NELL1: variants seen among roughly 807,000 people sequenced by gnomAD.
NELL1 encodes neural EGFL like 1.
In NELL1, 76 loss-of-function variants were observed where a neutral mutation model predicts 107.4. That is an observed-to-expected ratio of 0.71 (90% confidence interval 0.59 to 0.86). The LOEUF is 0.86. Among genes scored for constraint, NELL1 ranks in the 40% least tolerant of loss-of-function variants. NELL1 has a pLI of 0.00. For synonymous variants in NELL1, 353 were observed against 341.2 expected, an observed-to-expected ratio of 1.03 and a Z score of -0.38; for missense variants, 1,024 against 1,005.5, an observed-to-expected ratio of 1.02 and a Z score of -0.25.
chr11:21,451,185 T>TAA lies in NELL1; in HGVS notation c.1645+80253_1645+80254dup, dbSNP rs35257979. On this transcript the variant is annotated intron_variant, in intron 15 of 19. Coordinates refer to ENST00000357134, the MANE Select transcript of NELL1 (RefSeq NM_006157.5). ...CTGGGCGACAGAGATAGACTCCGTC[T>TAA]AAAAAAAAAAAAAAAAAGAAAAAAA... is the stretch of plus-strand genomic sequence containing the variant. Among the ~76,000 whole-genome samples the TAA allele has an allele frequency of 2.7e-3, 277 of 101,262 alleles. 6 individuals carry two copies. The highest frequency in any genetic ancestry group is 4.0e-3 in the East Asian group (14 of 3,484). The allele number at this position is 101,262 out of a possible 152,430, so 66.4% of individuals were successfully genotyped here.
chr11:21,013,342 G>A (rs1378434682), intron 12 of NELL1, among the ~76,000 whole-genome samples: 1 of 152,104 alleles, frequency 6.6e-6, no homozygotes, highest in East Asian at 1.9e-4. Flanking sequence ...TGGCCACAGG[G>A]TATAGGAAAT....
intron 12 of NELL1, among the ~76,000 whole-genome samples, chr11:21,072,697 G>A (rs1392687400): frequency 2.0e-5 from 3 of 152,164 alleles, no homozygotes; most frequent in African/African-American, 7.2e-5. Context: ...AGAGAAATCA[G>A]TAAAGAGGAA....
At chr11:21,168,458 C>T (rs1425832005) in intron 13 of NELL1, among the ~76,000 whole-genome samples, 1 of 151,820 alleles carries the variant, frequency 6.6e-6, no homozygotes, top group Non-Finnish European at 1.5e-5. Context: ...TCCTCCCTTT[C>T]TGTGTCACCT....
At chr11:20,826,664 C>G (rs1438662263) in intron 3 of NELL1, among the ~76,000 whole-genome samples, 3 of 151,096 alleles carry the variant, frequency 2.0e-5, no homozygotes, top group Non-Finnish European at 4.4e-5. Context: ...GGGATTGACA[C>G]CCCTTCAGGA....
chr11:21,002,686 G>C (rs1225835979), intron 12 of NELL1, among the ~76,000 whole-genome samples: 1 of 152,144 alleles, frequency 6.6e-6, no homozygotes, highest in Admixed American at 6.5e-5. Context: ...GCTTTACTGA[G>C]AGAATTGCCT....
In NELL1 at chr11:20,669,923, G is replaced by C. The variant is rs979666890; in HGVS notation, c.55+145G>C. On this transcript the variant is annotated intron_variant, in intron 1 of 19. Transcript: ENST00000357134. The surrounding 1 kb of genome is among the most constrained non-coding windows in gnomAD (Gnocchi z 4.4). ...CCGGTTCCTGGGATCTCTTTGCCCT[G>C]CTCGGAGTGACAGGGTGAAAATAGG... The C allele has an allele frequency of 1.9e-5, 13 of 689,190 alleles. No individual in the cohort carries two copies. Among genetic ancestry groups the C allele is most frequent in the Non-Finnish European group, 3.4e-5 (13 of 383,864 alleles). 42.7% of individuals were successfully genotyped at this position (689,190 alleles called of 1,614,324 possible). A position where few individuals can be genotyped will look rare whatever the true frequency, so the allele number is the denominator to read the frequency against.
chr11:20,722,400 A>C (rs1401033814), intron 2 of NELL1, among the ~76,000 whole-genome samples: 3 of 152,152 alleles, frequency 2.0e-5, no homozygotes, highest in Non-Finnish European at 2.9e-5. Context: ...ATATCTCTTT[A>C]CACAGTAGTT....
chr11:21,516,319 A>T (rs1855561718), intron 15 of NELL1, among the ~76,000 whole-genome samples: 1 of 152,200 alleles, frequency 6.6e-6, no homozygotes, highest in Admixed American at 6.5e-5. Context: ...CCTTATTTAT[A>T]ATTTTAGCAT....
chr11:21,337,463 T>C (rs2133695754), intron 14 of NELL1, among the ~76,000 whole-genome samples: 1 of 152,300 alleles, frequency 6.6e-6, no homozygotes, highest in African/African-American at 2.4e-5. Context: ...CTATGCCAAA[T>C]GGAAAATATG....
Position 20,894,642 on chromosome 11 carries a change from C to T in NELL1, c.603+9102C>T, listed in dbSNP as rs538720147. On this transcript the variant is annotated intron_variant, in intron 5 of 19. Coordinates refer to ENST00000357134, the MANE Select transcript of NELL1 (RefSeq NM_006157.5). ...ACCATGTATTTGCAAGGATGTGGAA[C>T]AACTGGAGCCTTCATTCACTGCTGG... 3.9e-5 allele frequency among the ~76,000 whole-genome samples: 6 copies of T among 152,256 alleles called. No individual in the cohort carries two copies. The East Asian group carries it at 1.2e-3, about 29-fold the overall frequency.
chr11:21,272,079 G>T (rs1179268232), intron 14 of NELL1, among the ~76,000 whole-genome samples: 1 of 152,176 alleles, frequency 6.6e-6, no homozygotes, highest in Non-Finnish European at 1.5e-5. Context: ...GCAGTGCACC[G>T]AGCATGAGCC....
intron 15 of NELL1, among the ~76,000 whole-genome samples, chr11:21,428,858 A>T (rs576707582): frequency 6.6e-6 from 1 of 152,316 alleles, no homozygotes; most frequent in South Asian, 2.1e-4. Flanking sequence ...AAAGGCAGCA[A>T]CATCAAGTGA....
intron 2 of NELL1, among the ~76,000 whole-genome samples, chr11:20,755,136 G>A (rs150209094): frequency 1.0e-3 from 153 of 152,220 alleles, no homozygotes; most frequent in African/African-American, 3.4e-3. Flanking sequence ...TGTGGTACCC[G>A]GCAGTAAGAT....
chr11:20,833,380 C>G (rs1239445495), intron 3 of NELL1, among the ~76,000 whole-genome samples: 1 of 152,144 alleles, frequency 6.6e-6, no homozygotes, highest in Non-Finnish European at 1.5e-5. Context: ...CTGTGAACTG[C>G]AATGTCACAA....
chr11:21,437,046 C>A (rs1191028711), intron 15 of NELL1, among the ~76,000 whole-genome samples: 1 of 152,086 alleles, frequency 6.6e-6, no homozygotes, highest in Admixed American at 6.6e-5. Flanking sequence ...GTCTATCATG[C>A]ATAATATTCC....
At chr11:21,275,510 A>C (rs1182988831) in intron 14 of NELL1, among the ~76,000 whole-genome samples, 1 of 152,196 alleles carries the variant, frequency 6.6e-6, no homozygotes, top group Admixed American at 6.5e-5. Context: ...AAACTGTTCC[A>C]ATCAATAGAA....
intron 14 of NELL1, among the ~76,000 whole-genome samples, chr11:21,258,016 A>T (rs961523920): frequency 1.3e-5 from 2 of 151,962 alleles, no homozygotes; most frequent in Non-Finnish European, 2.9e-5. Context: ...AAGGACCATG[A>T]CTCTTTGTCT....
chr11:20,933,733 G>A (rs1590432721), intron 9 of NELL1, among the ~76,000 whole-genome samples: 1 of 152,296 alleles, frequency 6.6e-6, no homozygotes, highest in Middle Eastern at 3.4e-3. Context: ...GGGATGTCAA[G>A]CTGTACTTGT....
Position 21,573,550 on chromosome 11 carries a change from T to C in NELL1, c.2382+141T>C, listed in dbSNP as rs562744012. ...GGCATACATTTACTTCTCATAGGAATTTAATATGTATGAATATTATCATAG... is the reference window on the plus strand; with the variant it reads ...GGCATACATTTACTTCTCATAGGAACTTAATATGTATGAATATTATCATAG... On this transcript the variant is annotated intron_variant, in intron 19 of 19. Coordinates refer to ENST00000357134, the MANE Select transcript of NELL1 (RefSeq NM_006157.5). The C allele has an allele frequency of 3.0e-5, 22 of 729,978 alleles. No homozygotes were observed. The South Asian group carries it at 3.7e-4, about 12-fold the overall frequency. The allele number at this position is 729,978 out of a possible 1,614,324, so 45.2% of individuals were successfully genotyped here. A position where few individuals can be genotyped will look rare whatever the true frequency, so the allele number is the denominator to read the frequency against.
Sources: gnomAD v4.1 joint callset for allele counts (sites outside exome capture counted in the v4.1 genomes callset) on GRCh38, gnomAD v4.1.1 for gene constraint, Gnocchi (gnomAD v3.1) non-coding constraint, MANE v1.5 for transcripts, NCBI Gene and HGNC (gene_info 2026-07-23, HGNC 2026-07-21) for gene names.